CELF2: variants seen among roughly 807,000 people sequenced by gnomAD.
The protein encoded by CELF2 is CUGBP Elav-like family member 2.
A neutral mutation model predicts 62.6 loss-of-function variants in CELF2; 8 were observed. The observed-to-expected ratio is 0.13, with a 90% CI of 0.07 to 0.23. CELF2 has a LOEUF of 0.23. Among genes scored for constraint, CELF2 ranks in the 10% least tolerant of loss-of-function variants. The pLI, the probability that CELF2 is intolerant of heterozygous loss-of-function variation, is 1.00. For synonymous variants in CELF2, 258 were observed against 250.0 expected, an observed-to-expected ratio of 1.03 and a Z score of -0.30; for missense variants, 333 against 671.0, an observed-to-expected ratio of 0.50 and a Z score of 5.56.
At chr10:10,554,719 T>C in the CELF2 span, among the ~76,000 whole-genome samples, 1 of 152,180 alleles carries the variant, frequency 6.6e-6, no homozygotes, top group African/African-American at 2.4e-5. Context: ...TCTTCCATCG[T>C]CTATGTAAAT....
chr10:11,301,372 T>TCCCCCCCACTC (rs2093701666), intron 9 of CELF2, among the ~76,000 whole-genome samples: 1 of 28,268 alleles, frequency 3.5e-5, no homozygotes, highest in Non-Finnish European at 7.4e-5. Flanking sequence ...CCACCCCGCT[T>TCCCCCCCACTC]CCCCCCCACT....
intron 1 of CELF2, among the ~76,000 whole-genome samples, chr10:11,088,150 C>CTTCT (rs1442989574): frequency 6.6e-6 from 1 of 152,110 alleles, no homozygotes; most frequent in Non-Finnish European, 1.5e-5. Flanking sequence ...TGAGGCATGC[C>CTTCT]AGAAAGGAGG....
the CELF2 span, among the ~76,000 whole-genome samples, chr10:10,659,903 C>A: frequency 1.3e-5 from 2 of 152,132 alleles, no homozygotes; most frequent in African/African-American, 4.8e-5. Context: ...CAGATGCCCT[C>A]AAGGTGATCA....
chr10:10,629,890 A>AAC, the CELF2 span, among the ~76,000 whole-genome samples: 3 of 143,578 alleles, frequency 2.1e-5, no homozygotes, highest in Admixed American at 7.0e-5. Flanking sequence ...AAAAAAAAAA[A>AAC]AGCTTGCTTT....
chr10:10,711,996 C>T, the CELF2 span, among the ~76,000 whole-genome samples: 1 of 151,908 alleles, frequency 6.6e-6, no homozygotes, highest in African/African-American at 2.4e-5. Context: ...AAGGAAGAAG[C>T]CGAGCAGTTC....
At chr10:10,701,467 A>C in the CELF2 span, among the ~76,000 whole-genome samples, 1 of 152,372 alleles carries the variant, frequency 6.6e-6, no homozygotes, top group East Asian at 1.9e-4. Flanking sequence ...TGAGTTGTCA[A>C]CCATTTGCAA....
At chr10:10,550,956 C>T in the CELF2 span, among the ~76,000 whole-genome samples, 1 of 152,152 alleles carries the variant, frequency 6.6e-6, no homozygotes, top group Non-Finnish European at 1.5e-5. Context: ...CCTTGGTCTC[C>T]CAAAGTGCTG....
chr10:10,561,009 C>T, the CELF2 span, among the ~76,000 whole-genome samples: 1 of 142,320 alleles, frequency 7.0e-6, no homozygotes, highest in Non-Finnish European at 1.5e-5. Flanking sequence ...ACTTTGGAAA[C>T]TTAGGGGGCA....
At chr10:11,276,934 C>G (rs1244264644) in intron 8 of CELF2, among the ~76,000 whole-genome samples, 1 of 152,222 alleles carries the variant, frequency 6.6e-6, no homozygotes, top group African/African-American at 2.4e-5. Context: ...TAAAGGCAAT[C>G]TGTATGTGCT....
rs2094111085 is a variant in CELF2, at chr10:11,305,215, G to C, written c.977-8924G>C. ...TAGCAGAGAAAAGAACTTTTTTCTG[G>C]AAAGTGGAGCTCAGGTCCTTGCCTC... On this transcript the variant is annotated intron_variant, in intron 9 of 12. Transcript: ENST00000633077. The surrounding 1 kb of genome is among the most constrained non-coding windows in gnomAD (Gnocchi z 4.8). 6.6e-6 allele frequency among the ~76,000 whole-genome samples: 1 copy of C among 152,172 alleles called. No homozygotes were observed. Among genetic ancestry groups the C allele is most frequent in the African/African-American group, 2.4e-5 (1 of 41,444 alleles).
At chr10:10,492,547 G>T in the CELF2 span, among the ~76,000 whole-genome samples, 3 of 152,128 alleles carry the variant, frequency 2.0e-5, no homozygotes, top group African/African-American at 7.2e-5. Context: ...ACTACCATAT[G>T]ATCTAGCAGT....
the CELF2 span, among the ~76,000 whole-genome samples, chr10:10,756,575 A>C: frequency 6.6e-6 from 1 of 152,180 alleles, no homozygotes; most frequent in African/African-American, 2.4e-5. Context: ...GATCCCTTAG[A>C]TTCCCATTGA....
the CELF2 span, among the ~76,000 whole-genome samples, chr10:10,605,269 C>T: frequency 2.2e-5 from 3 of 137,878 alleles, no homozygotes; most frequent in Non-Finnish European, 4.7e-5. Context: ...TGAGGCTTGT[C>T]GGGGGGTGGG....
chr10:10,674,820 GTGAGTGTGC>G, the CELF2 span, among the ~76,000 whole-genome samples: 2 of 151,926 alleles, frequency 1.3e-5, no homozygotes, highest in African/African-American at 4.9e-5. Context: ...TGCCACTTGT[GTGAGTGTGC>G]CACTTGTGCC....
intron 1 of CELF2, among the ~76,000 whole-genome samples, chr10:11,077,724 T>C (rs919266314): frequency 1.3e-5 from 2 of 152,142 alleles, no homozygotes; most frequent in Non-Finnish European, 2.9e-5. Flanking sequence ...AGTACAGGGG[T>C]GAGCCTCTTG....
At chr10:10,940,599 CAT>C (rs1322485771) in intron 2 of CELF2, among the ~76,000 whole-genome samples, 4 of 152,196 alleles carry the variant, frequency 2.6e-5, no homozygotes, top group East Asian at 1.9e-4. Flanking sequence ...TTCAGTAACT[CAT>C]ATGGCTATCT....
At chr10:10,567,445 G>A in the CELF2 span, among the ~76,000 whole-genome samples, 1 of 152,106 alleles carries the variant, frequency 6.6e-6, no homozygotes, top group East Asian at 1.9e-4. Flanking sequence ...AGTGCTCTTG[G>A]AATCAATACC....
At chr10:10,684,893 A>T in the CELF2 span, among the ~76,000 whole-genome samples, 1 of 152,220 alleles carries the variant, frequency 6.6e-6, no homozygotes, top group Admixed American at 6.5e-5. Context: ...GGCACATCCT[A>T]TTCACAGCAC....
At chr10:11,136,833 A>G (rs1226588760) in intron 1 of CELF2, among the ~76,000 whole-genome samples, 1 of 152,198 alleles carries the variant, frequency 6.6e-6, no homozygotes, top group East Asian at 1.9e-4. Context: ...CATCACTATT[A>G]GGATGTTACA....
Sources: gnomAD v4.1 joint callset for allele counts (sites outside exome capture counted in the v4.1 genomes callset) on GRCh38, gnomAD v4.1.1 for gene constraint, Gnocchi (gnomAD v3.1) non-coding constraint, MANE v1.5 for transcripts, NCBI Gene and HGNC (gene_info 2026-07-23, HGNC 2026-07-21) for gene names.